Variants in SLC35F1 observed in about 807,000 individuals in gnomAD.
SLC35F1 encodes the protein solute carrier family 35 member F1.
In SLC35F1, 14 loss-of-function variants were observed where a neutral mutation model predicts 48.7. The observed-to-expected ratio is 0.29, with a 90% CI of 0.19 to 0.45. SLC35F1 has a LOEUF of 0.45. SLC35F1 is among the 20% of genes least tolerant of loss of function. SLC35F1 has a pLI of 1.00. For synonymous variants in SLC35F1, 190 were observed against 202.2 expected, an observed-to-expected ratio of 0.94 and a Z score of 0.51; for missense variants, 404 against 500.0, an observed-to-expected ratio of 0.81 and a Z score of 1.83.
chr6:118,119,500 C>A (rs1248068560), intron 1 of SLC35F1, among the ~76,000 whole-genome samples: 3 of 80,398 alleles, frequency 3.7e-5, no homozygotes, highest in Admixed American at 1.8e-4. Context: ...CGGCGCCCCC[C>A]CTCCACCCCG....
chr6:117,931,842 G>GGATA (rs1185932389), intron 1 of SLC35F1, among the ~76,000 whole-genome samples: 1 of 152,162 alleles, frequency 6.6e-6, no homozygotes, highest in Non-Finnish European at 1.5e-5. Flanking sequence ...GAAAATCTAT[G>GGATA]GATAAAGAGT....
chr6:117,911,211 C>T (rs1483400437), intron 1 of SLC35F1, among the ~76,000 whole-genome samples: 2 of 152,068 alleles, frequency 1.3e-5, no homozygotes, highest in Non-Finnish European at 2.9e-5. Flanking sequence ...ATTAATGGGA[C>T]ATCACATTTT....
At chr6:117,934,389 G>T (rs1162813451) in intron 1 of SLC35F1, among the ~76,000 whole-genome samples, 1 of 152,114 alleles carries the variant, frequency 6.6e-6, no homozygotes, top group Non-Finnish European at 1.5e-5. Context: ...GATACTCTGG[G>T]ACAGTATTGG....
intron 1 of SLC35F1, among the ~76,000 whole-genome samples, chr6:118,008,410 T>C (rs147699330): frequency 1.3e-5 from 2 of 152,174 alleles, no homozygotes; most frequent in African/African-American, 4.8e-5. Context: ...CTGCCTACCA[T>C]GCCCATGCAT....
intron 7 of SLC35F1, among the ~76,000 whole-genome samples, chr6:118,295,847 G>A (rs2114653405): frequency 6.6e-6 from 1 of 152,254 alleles, no homozygotes; most frequent in Admixed American, 6.5e-5. Flanking sequence ...AAGAATTAGG[G>A]AAACTGGCAT....
intron 1 of SLC35F1, among the ~76,000 whole-genome samples, chr6:118,153,665 A>C (rs1437775199): frequency 2.0e-5 from 3 of 152,218 alleles, no homozygotes; most frequent in Non-Finnish European, 2.9e-5. Flanking sequence ...CCTTGCCTGT[A>C]GTCCCTGCTA....
intron 2 of SLC35F1, among the ~76,000 whole-genome samples, chr6:118,217,492 T>G (rs886907310): frequency 1.3e-5 from 2 of 152,070 alleles, no homozygotes; most frequent in African/African-American, 4.8e-5. Flanking sequence ...GGAATATTGT[T>G]TAATGGGTAC....
chr6:118,036,772 G>T (rs1772138966), intron 1 of SLC35F1, among the ~76,000 whole-genome samples: 1 of 152,068 alleles, frequency 6.6e-6, no homozygotes, highest in African/African-American at 2.4e-5. Context: ...TGTTGCCAAG[G>T]CTGGTCTTGA....
At chr6:118,000,747 TAA>T (rs1777079501) in intron 1 of SLC35F1, among the ~76,000 whole-genome samples, 1 of 152,202 alleles carries the variant, frequency 6.6e-6, no homozygotes, top group African/African-American at 2.4e-5. Context: ...CAACTTCAGC[TAA>T]GTCTCAGGAT....
chr6:118,048,938 G>A (rs1359588537), intron 1 of SLC35F1, among the ~76,000 whole-genome samples: 3 of 152,172 alleles, frequency 2.0e-5, no homozygotes, highest in Non-Finnish European at 4.4e-5. Flanking sequence ...AAAGCTGGAG[G>A]CCTCACGCTA....
chr6:117,907,335 C>T lies in SLC35F1; in HGVS notation c.-392C>T, dbSNP rs1169503991. 6.7e-6 allele frequency among the ~76,000 whole-genome samples: 1 copy of T among 149,848 alleles called. No individual in the cohort carries two copies. Among genetic ancestry groups the T allele is most frequent in the Non-Finnish European group, 1.5e-5 (1 of 67,358 alleles). ...CCAGCACAACTGCCGCCGCGCGCCC[C>T]GAGGAGACCCGGGCACGAGGAAACA... is the stretch of plus-strand genomic sequence containing the variant. On this transcript the variant is annotated 5_prime_UTR_variant, in exon 1 of 8. Transcript: ENST00000360388.
chr6:118,177,420 A>G (rs1168711671), intron 2 of SLC35F1, among the ~76,000 whole-genome samples: 1 of 152,156 alleles, frequency 6.6e-6, no homozygotes, highest in South Asian at 2.1e-4. Context: ...AGTAAAGGAG[A>G]TAATCCCTCC....
chr6:118,053,835 T>G (rs949691726), intron 1 of SLC35F1, among the ~76,000 whole-genome samples: 7 of 152,290 alleles, frequency 4.6e-5, no homozygotes, highest in African/African-American at 1.7e-4. Flanking sequence ...GGATGAATTT[T>G]ATAATTACTG....
intron 1 of SLC35F1, among the ~76,000 whole-genome samples, chr6:118,108,888 A>C (rs79544729): frequency 6.6e-6 from 1 of 152,174 alleles, no homozygotes. Context: ...ATAAAATTAA[A>C]TTGCAATACT....
intron 1 of SLC35F1, among the ~76,000 whole-genome samples, chr6:118,083,325 G>A (rs529792942): frequency 6.6e-6 from 1 of 152,322 alleles, no homozygotes; most frequent in Non-Finnish European, 1.5e-5. Flanking sequence ...TCCAAGATAA[G>A]TGGGCTGACC....
chr6:117,963,822 TGGGATACATGTGCA>T (rs146288995), intron 1 of SLC35F1, among the ~76,000 whole-genome samples: 61,856 of 151,726 alleles, frequency 0.41, 12,860 homozygotes, highest in South Asian at 0.53. Flanking sequence ...TTTTAAGTTC[TGGGATACATGTGCA>T]GGGATACATG....
chr6:118,247,854 T>G lies in SLC35F1; in HGVS notation c.477+12218T>G, dbSNP rs190834522. Among the ~76,000 whole-genome samples, 479 of 152,320 alleles carry G rather than the reference T, an allele frequency of 3.1e-3. 6 individuals carry two copies. The highest frequency in any genetic ancestry group is 8.3e-3 in the Admixed American group (127 of 15,300). On this transcript the variant is annotated intron_variant, in intron 3 of 7. Coordinates refer to ENST00000360388, the MANE Select transcript of SLC35F1 (RefSeq NM_001029858.4). ...ATGTGGCTACCATTTAGAATTTCTC[T>G]TTTGAAATCTCCTTCAGAACCAGTT...
chr6:118,050,317 T>G (rs1249895653), intron 1 of SLC35F1, among the ~76,000 whole-genome samples: 2 of 151,246 alleles, frequency 1.3e-5, no homozygotes, highest in Non-Finnish European at 2.9e-5. Flanking sequence ...TATACATATG[T>G]AACTAACCTG....
rs572257047 is a variant in SLC35F1, at chr6:117,907,928, G to C, written c.173+29G>C. 4 of 1,301,838 alleles carry C rather than the reference G, an allele frequency of 3.1e-6. No individual in the cohort carries two copies. The Admixed American group carries it at 1.7e-4, about 55-fold the overall frequency. The allele number at this position is 1,301,838 out of a possible 1,614,324, so 80.6% of individuals were successfully genotyped here. ...AGCGGCGGCGCCGGGCGAGGGCGCG[G>C]GGGGCGGGGGCTGCGGGCGCCCGGC... is the stretch of plus-strand genomic sequence containing the variant. On this transcript the variant is annotated intron_variant, in intron 1 of 7. Transcript: ENST00000360388.
Sources: allele counts gnomAD v4.1 joint callset (sites outside exome capture counted in the v4.1 genomes callset), GRCh38; gene constraint gnomAD v4.1.1; transcripts MANE v1.5; gene names NCBI Gene and HGNC (gene_info 2026-07-23, HGNC 2026-07-21).